Variants in DNAJC1 observed in about 807,000 individuals in gnomAD.
DNAJC1 encodes dnaJ homolog subfamily C member 1.
In DNAJC1, 58 loss-of-function variants were observed where a neutral mutation model predicts 76.6. The observed-to-expected ratio is 0.76, with a 90% CI of 0.61 to 0.94. The LOEUF is 0.94. Among genes scored for constraint, DNAJC1 ranks in the 40% least tolerant of loss-of-function variants. The probability of loss-of-function intolerance (pLI) is 0.00; values close to 1 mark genes in which losing one functional copy is unlikely to be tolerated. For missense variants in DNAJC1, 689 were observed against 677.3 expected (o/e 1.02, Z -0.19); for synonymous variants, 258 against 267.9 (o/e 0.96, Z 0.36).
chr10:21,981,314 T>C (rs192346275), intron 1 of DNAJC1, among the ~76,000 whole-genome samples: 5 of 152,340 alleles, frequency 3.3e-5, no homozygotes, highest in Admixed American at 3.3e-4. Flanking sequence ...TTCTATCATT[T>C]ACTCACTTGG....
At chr10:21,830,093 T>C (rs1835332003) in intron 8 of DNAJC1, among the ~76,000 whole-genome samples, 1 of 152,174 alleles carries the variant, frequency 6.6e-6, no homozygotes, top group Non-Finnish European at 1.5e-5. Context: ...TGTATTTTAG[T>C]TTTAGTTTGT....
intron 8 of DNAJC1, among the ~76,000 whole-genome samples, chr10:21,844,225 C>T (rs115966576): frequency 0.013 from 1,909 of 152,074 alleles, 38 homozygotes; most frequent in African/African-American, 0.043. Flanking sequence ...CTCAGTCTCC[C>T]GAGTAGCTGG....
At chr10:21,937,850 C>A (rs967971949) in intron 1 of DNAJC1, among the ~76,000 whole-genome samples, 3 of 152,038 alleles carry the variant, frequency 2.0e-5, no homozygotes, top group African/African-American at 7.2e-5. Context: ...AATTAAACAA[C>A]ACATTTTTAA....
chr10:21,820,377 T>C (rs906512376), intron 8 of DNAJC1, among the ~76,000 whole-genome samples: 1 of 152,256 alleles, frequency 6.6e-6, no homozygotes, highest in Non-Finnish European at 1.5e-5. Flanking sequence ...ATAATGCTGC[T>C]ATAAACAAAC....
At chr10:21,791,459 TG>T (rs151042950) in intron 9 of DNAJC1, among the ~76,000 whole-genome samples, 7,644 of 152,284 alleles carry the variant, frequency 0.05, 301 homozygotes, top group Non-Finnish European at 0.076. Flanking sequence ...CATCAGCTCA[TG>T]GAACATTCTC....
chr10:21,895,226 G>C (rs1836522703), intron 7 of DNAJC1, among the ~76,000 whole-genome samples: 1 of 152,202 alleles, frequency 6.6e-6, no homozygotes, highest in African/African-American at 2.4e-5. Context: ...GAGAGCTGTA[G>C]AGAAACCCTC....
intron 10 of DNAJC1, 50 bp from the exon 11 acceptor site, chr10:21,759,668 G>A: frequency 1.9e-6 from 3 of 1,563,254 alleles, no homozygotes; most frequent in Non-Finnish European, 2.6e-6. Context: ...GTGAATTAAG[G>A]AGACGGTGAG....
intron 11 of DNAJC1, among the ~76,000 whole-genome samples, chr10:21,758,288 G>A (rs1834199954): frequency 6.6e-6 from 1 of 152,196 alleles, no homozygotes; most frequent in South Asian, 2.1e-4. Context: ...AGAGATCGGG[G>A]CTTTTGATTC....
At chr10:21,759,062 G>T (rs1834208760) in intron 11 of DNAJC1, 108 bp downstream of exon 11, 2 of 1,076,016 alleles carry the variant, frequency 1.9e-6, no homozygotes, top group Non-Finnish European at 2.7e-6. Flanking sequence ...AAATCACGGG[G>T]CAGGTGTCAG....
intron 8 of DNAJC1, among the ~76,000 whole-genome samples, chr10:21,834,025 G>A (rs941398483): frequency 1.3e-5 from 2 of 152,032 alleles, no homozygotes; most frequent in Non-Finnish European, 1.5e-5. Context: ...AGCACTTTGG[G>A]AGGCTGAGGT....
At chr10:21,821,819 A>AT (rs1026835960) in intron 8 of DNAJC1, among the ~76,000 whole-genome samples, 11 of 151,036 alleles carry the variant, frequency 7.3e-5, no homozygotes, top group African/African-American at 2.7e-4. Context: ...CAGGCAGAAC[A>AT]TTTTCTGTTA....
intron 1 of DNAJC1, among the ~76,000 whole-genome samples, chr10:21,932,885 C>T (rs1245815049): frequency 1.3e-5 from 2 of 152,106 alleles, no homozygotes; most frequent in East Asian, 3.9e-4. Context: ...CAGGCATGAG[C>T]CACCATGCCT....
chr10:21,817,422 A>G (rs1188986107), intron 8 of DNAJC1, among the ~76,000 whole-genome samples: 1 of 151,724 alleles, frequency 6.6e-6, no homozygotes, highest in Non-Finnish European at 1.5e-5. Context: ...TAGTCCTTGT[A>G]TTTTTTTTCC....
chr10:21,843,508 C>T (rs1285963487), intron 8 of DNAJC1, among the ~76,000 whole-genome samples: 1 of 151,666 alleles, frequency 6.6e-6, no homozygotes, highest in Non-Finnish European at 1.5e-5. Context: ...ATTATCCTGC[C>T]TCAGCCTCCC....
At chr10:21,890,528 G>C (rs940889412) in intron 7 of DNAJC1, among the ~76,000 whole-genome samples, 1 of 151,956 alleles carries the variant, frequency 6.6e-6, no homozygotes, top group East Asian at 1.9e-4. Flanking sequence ...GAGATCAAGT[G>C]GGGTGCAGTA....
intron 1 of DNAJC1, among the ~76,000 whole-genome samples, chr10:22,002,001 C>G (rs1395952133): frequency 1.3e-5 from 2 of 152,140 alleles, no homozygotes; most frequent in Non-Finnish European, 2.9e-5. Context: ...AATGCCTATA[C>G]TTTATAACTC....
In DNAJC1 at chr10:22,001,815, G is replaced by A. The variant is rs866112124; in HGVS notation, c.222+1398C>T. On this transcript the variant is annotated intron_variant, in intron 1 of 11. Transcript: ENST00000376980. Reference sequence around the variant, plus strand: ...CAATGATAAATTCTAATTATTCCCAGTATTAAAGTAGTTCTTAAAAGTCAT... The same window carrying A: ...CAATGATAAATTCTAATTATTCCCAATATTAAAGTAGTTCTTAAAAGTCAT... 2.6e-5 allele frequency among the ~76,000 whole-genome samples: 4 copies of A among 152,112 alleles called. No homozygotes were observed. In the South Asian group the frequency reaches 8.3e-4, roughly 31 times the overall value.
intron 8 of DNAJC1, among the ~76,000 whole-genome samples, chr10:21,836,729 G>C (rs1248616444): frequency 2.0e-5 from 3 of 152,152 alleles, no homozygotes; most frequent in South Asian, 2.1e-4. Flanking sequence ...AAGAGACAAA[G>C]AAGGCCATTA....
chr10:21,949,953 TA>T (rs1301633625), intron 1 of DNAJC1, among the ~76,000 whole-genome samples: 3 of 152,166 alleles, frequency 2.0e-5, no homozygotes, highest in African/African-American at 4.8e-5. Flanking sequence ...TGTCCTGTAC[TA>T]AAAATGTTCT....
Sources: allele counts gnomAD v4.1 joint callset (sites outside exome capture counted in the v4.1 genomes callset), GRCh38; gene constraint gnomAD v4.1.1; transcripts MANE v1.5; gene names NCBI Gene and HGNC (gene_info 2026-07-23, HGNC 2026-07-21).